The following BANP variants were observed in gnomAD, a reference collection of about 807,000 sequenced individuals.
The protein encoded by BANP is protein BANP.
In BANP, 11 loss-of-function variants were observed where a neutral mutation model predicts 68.1. The observed-to-expected ratio is 0.16, with a 90% CI of 0.10 to 0.27. BANP has a LOEUF of 0.27. Ranked by LOEUF, BANP falls within the 10% of genes least tolerant of loss-of-function variation. The pLI is 1.00. For synonymous variants in BANP, 329 were observed against 303.2 expected (o/e 1.09, Z -0.88); for missense variants, 504 against 722.7 (o/e 0.70, Z 3.47).
chr16:87,977,418 C>CAA (rs56077067), intron 2 of BANP, among the ~76,000 whole-genome samples: 3 of 140,902 alleles, frequency 2.1e-5, no homozygotes, highest in Admixed American at 7.0e-5. Context: ...GACTCCGTCT[C>CAA]AAAAAAAAAA....
intron 11 of BANP, among the ~76,000 whole-genome samples, chr16:88,041,250 G>C (rs142163512): frequency 6.6e-6 from 1 of 152,352 alleles, no homozygotes; most frequent in African/African-American, 2.4e-5. Context: ...AGGGAGGGTT[G>C]TGCGCTGTGC....
At chr16:87,995,902 T>TG (rs1447799140) in intron 4 of BANP, among the ~76,000 whole-genome samples, 1 of 152,246 alleles carries the variant, frequency 6.6e-6, no homozygotes, top group Admixed American at 6.5e-5. Context: ...CTGGGGTTCC[T>TG]GCGGTGCCCG....
At position 87,963,262 on chromosome 16, in the gene BANP, C is replaced by T. The variant is rs150179171; in HGVS notation, c.-69+11747C>T. 6.8e-3 allele frequency: 1,032 copies of T among 152,414 alleles called. 6 individuals are homozygous for T. The highest frequency in any genetic ancestry group is 0.011 in the Admixed American group (172 of 15,304). The allele number at this position is 152,414 out of a possible 1,614,324, so 9.4% of individuals were successfully genotyped here. On this transcript the variant is annotated intron_variant, in intron 1 of 13. Transcript: ENST00000682872. ...CTCAAGCGTCTTCTCTCCCTGGTCG[C>T]ACGCGCTGTGAGCTTATTGTTCTGG...
intron 11 of BANP, among the ~76,000 whole-genome samples, chr16:88,048,663 C>G (rs1330298648): frequency 4.6e-5 from 7 of 151,942 alleles, no homozygotes; most frequent in Non-Finnish European, 1.0e-4. Context: ...TAACAGTGTT[C>G]TTGGTATTGA....
rs2075123686 is a variant in BANP at position 88,018,603 on chromosome 16, C to T, written c.831C>T (p.Asn277=). 1.3e-6 allele frequency: 2 copies of T among 1,593,850 alleles called. No individual in the cohort carries two copies. Among genetic ancestry groups the T allele is most frequent in the Non-Finnish European group, 1.7e-6 (2 of 1,169,978 alleles). ...LFHREVQAVS[N]LSGQGKHGKK... is the part of the protein sequence containing the mutation. ...ACCGCGAGGTGCAGGCTGTGTCCAA[C>T]CTCTCGGGGCAGGGCAAGCACGGGA... The change falls in exon 7 of 14, where the codon AAC becomes AAT. Residue 277 remains asparagine, a synonymous_variant. Transcript: ENST00000682872. This position sits in a 1 kb window ranked among gnomAD's most constrained non-coding sequence, Gnocchi z 7.7.
intron 1 of BANP, among the ~76,000 whole-genome samples, chr16:87,974,556 C>T (rs1017686290): frequency 2.0e-5 from 3 of 152,148 alleles, no homozygotes; most frequent in South Asian, 2.1e-4. Context: ...TAGATGGATG[C>T]GTGCAGCTGG....
At chr16:87,982,399 A>C (rs2063448763) in intron 3 of BANP, among the ~76,000 whole-genome samples, 1 of 152,232 alleles carries the variant, frequency 6.6e-6, no homozygotes, top group Non-Finnish European at 1.5e-5. Context: ...TTAAAATAAC[A>C]TGGGTGTACT....
At chr16:88,072,565 A>T (rs7499536) in intron 13 of BANP, among the ~76,000 whole-genome samples, 1 of 152,276 alleles carries the variant, frequency 6.6e-6, no homozygotes, top group African/African-American at 2.4e-5. Context: ...TCCCTGCCCC[A>T]CTCGTTGAAG....
chr16:88,018,913 G>A lies in BANP; in HGVS notation c.895+246G>A, dbSNP rs2075224427. ...ATACCCCATCATATATATACCTACTGTGTACCCTTAGAAGGTGAAAAACTC... is the reference window on the plus strand; with the variant it reads ...ATACCCCATCATATATATACCTACTATGTACCCTTAGAAGGTGAAAAACTC... On this transcript the variant is annotated intron_variant, in intron 7 of 13. Coordinates refer to ENST00000682872, the MANE Select transcript of BANP (RefSeq NM_001386991.1). The surrounding 1 kb of genome is among the most constrained non-coding windows in gnomAD (Gnocchi z 7.7). Among the ~76,000 whole-genome samples, 1 of 152,176 alleles carries A rather than the reference G, an allele frequency of 6.6e-6. No homozygotes were observed. Among genetic ancestry groups the A allele is most frequent in the South Asian group, 2.1e-4 (1 of 4,834 alleles).
At chr16:88,007,548 C>T (rs1189107198) in intron 6 of BANP, among the ~76,000 whole-genome samples, 4 of 152,218 alleles carry the variant, frequency 2.6e-5, no homozygotes, top group Non-Finnish European at 2.9e-5. Flanking sequence ...TCAGTGACTA[C>T]AGCGTGGAGA....
intron 1 of BANP, among the ~76,000 whole-genome samples, chr16:87,967,882 A>G (rs1353334214): frequency 2.0e-5 from 3 of 151,744 alleles, no homozygotes; most frequent in African/African-American, 7.3e-5. Context: ...TGGCCCCCCA[A>G]AGTGCTGGGA....
intron 2 of BANP, 98 bp from the exon 3 acceptor site, chr16:87,980,938 C>T: frequency 1.3e-6 from 1 of 782,534 alleles, no homozygotes; most frequent in Non-Finnish European, 2.2e-6. Flanking sequence ...GTTTCTCCTT[C>T]AACCTTAAGG....
At chr16:87,966,119 G>T (rs1214754998) in intron 1 of BANP, among the ~76,000 whole-genome samples, 1 of 152,210 alleles carries the variant, frequency 6.6e-6, no homozygotes, top group Admixed American at 6.5e-5. Flanking sequence ...ATATTCTGGA[G>T]ATCTTTCCAT....
At chr16:88,034,839 C>G (rs1187509463) in intron 9 of BANP, among the ~76,000 whole-genome samples, 1 of 152,192 alleles carries the variant, frequency 6.6e-6, no homozygotes, top group Admixed American at 6.5e-5. Context: ...CTTCCACTTT[C>G]CCAGGCTTTA....
At chr16:88,072,363 T>C (rs1357700592) in intron 13 of BANP, 151 bp downstream of exon 13, 10 of 926,566 alleles carry the variant, frequency 1.1e-5, no homozygotes, top group Admixed American at 2.9e-5. Flanking sequence ...GGGTTCTACG[T>C]CTCACACTCA....
At chr16:87,973,454 T>G (rs1476517299) in intron 1 of BANP, among the ~76,000 whole-genome samples, 2 of 152,168 alleles carry the variant, frequency 1.3e-5, no homozygotes, top group African/African-American at 4.8e-5. Context: ...CACAAATTGT[T>G]ATCCCCAAGA....
intron 4 of BANP, among the ~76,000 whole-genome samples, chr16:87,991,535 T>C (rs1347045304): frequency 6.6e-6 from 1 of 152,272 alleles, no homozygotes; most frequent in Non-Finnish European, 1.5e-5. Flanking sequence ...GAACATGGTA[T>C]GTCTCTCCAT....
At chr16:88,043,303 C>T (rs1323611538) in intron 11 of BANP, among the ~76,000 whole-genome samples, 1 of 152,190 alleles carries the variant, frequency 6.6e-6, no homozygotes, top group Non-Finnish European at 1.5e-5. Flanking sequence ...GAGCCTGGGT[C>T]TTTGGCTGTT....
At chr16:88,076,366 G>C (rs1361839095) in intron 13 of BANP, among the ~76,000 whole-genome samples, 2 of 152,208 alleles carry the variant, frequency 1.3e-5, no homozygotes, top group Admixed American at 1.3e-4. Context: ...CGGGGCCTGG[G>C]TGTGCCGGAG....
Sources: gnomAD v4.1 joint callset for allele counts (sites outside exome capture counted in the v4.1 genomes callset) on GRCh38, gnomAD v4.1.1 for gene constraint, Gnocchi (gnomAD v3.1) non-coding constraint, MANE v1.5 for transcripts, NCBI Gene and HGNC (gene_info 2026-07-23, HGNC 2026-07-21) for gene names.